SH3D19: variants seen among roughly 807,000 people sequenced by gnomAD.
The protein encoded by SH3D19 is SH3 domain containing 19, also known as SH3 domain-containing protein 19.
Under a neutral mutation model 112.1 loss-of-function variants are expected in SH3D19, and 58 were observed. That is an observed-to-expected ratio of 0.52 (90% CI 0.42 to 0.64). The LOEUF (loss-of-function observed/expected upper bound fraction) is 0.64. SH3D19 is among the 30% of genes least tolerant of loss of function. SH3D19 has a pLI of 0.00. For synonymous variants in SH3D19, 391 were observed against 448.5 expected (o/e 0.87, Z 1.62); for missense variants, 1,090 against 1,263.4 (o/e 0.86, Z 2.08).
chr4:151,266,167 A>G (rs1255843669), intron 1 of SH3D19: 4 of 152,190 alleles, frequency 2.6e-5, no homozygotes, highest in Admixed American at 6.5e-5. Flanking sequence ...CGTACCGATG[A>G]AAGTTTAAAT....
At chr4:151,224,009 ATATCAAAAGTATGATCT>A (rs1314441309) in intron 2 of SH3D19, among the ~76,000 whole-genome samples, 1 of 152,154 alleles carries the variant, frequency 6.6e-6, no homozygotes, top group Non-Finnish European at 1.5e-5. Context: ...ATTGAACAGA[ATATCAAAAGTATGATCT>A]AGGCCGGGCA....
chr4:151,154,514 A>G (rs531337796), intron 9 of SH3D19, among the ~76,000 whole-genome samples: 3 of 151,618 alleles, frequency 2.0e-5, no homozygotes, highest in African/African-American at 7.3e-5. Flanking sequence ...TCCTCACCTC[A>G]AGTGATCCAC....
intron 1 of SH3D19, among the ~76,000 whole-genome samples, chr4:151,234,920 CT>C (rs1439123484): frequency 1.3e-5 from 2 of 151,658 alleles, no homozygotes; most frequent in Admixed American, 1.3e-4. Flanking sequence ...ATTAAAAAAA[CT>C]TTTTTTCTTG....
chr4:151,165,916 TGAGA>T (rs1008995995), intron 7 of SH3D19: 13 of 462,326 alleles, frequency 2.8e-5, no homozygotes, highest in African/African-American at 1.8e-4. Flanking sequence ...TCCTCTCTGA[TGAGA>T]GAGATTGAGG....
chr4:151,125,151 G>C (rs536869820), intron 19 of SH3D19, among the ~76,000 whole-genome samples: 3 of 152,152 alleles, frequency 2.0e-5, no homozygotes, highest in African/African-American at 7.2e-5. Flanking sequence ...TTTTAATTTT[G>C]CATAGCTTAC....
intron 1 of SH3D19, among the ~76,000 whole-genome samples, chr4:151,253,668 G>A (rs1289320073): frequency 6.6e-6 from 1 of 151,826 alleles, no homozygotes; most frequent in African/African-American, 2.4e-5. Context: ...GTGAACCGGG[G>A]AAGCGGAGCT....
At chr4:151,191,582 A>C (rs1762636129) in intron 2 of SH3D19, among the ~76,000 whole-genome samples, 1 of 152,144 alleles carries the variant, frequency 6.6e-6, no homozygotes, top group Non-Finnish European at 1.5e-5. Flanking sequence ...TGTACAAGGC[A>C]TGTAAGTAGA....
intron 2 of SH3D19, among the ~76,000 whole-genome samples, chr4:151,192,634 T>C (rs913956031): frequency 6.6e-6 from 1 of 152,226 alleles, no homozygotes; most frequent in African/African-American, 2.4e-5. Context: ...TCACAACACA[T>C]ACTTCTCATA....
intron 2 of SH3D19, among the ~76,000 whole-genome samples, chr4:151,197,962 A>C (rs1164054708): frequency 2.0e-5 from 3 of 152,160 alleles, no homozygotes; most frequent in Non-Finnish European, 4.4e-5. Context: ...TAAATTATTT[A>C]AATTGTTGTG....
intron 11 of SH3D19, among the ~76,000 whole-genome samples, chr4:151,144,663 T>C (rs1282195225): frequency 1.3e-5 from 2 of 152,202 alleles, no homozygotes; most frequent in African/African-American, 4.8e-5. Flanking sequence ...TGGTGGCCTC[T>C]GAAGGCTGAT....
chr4:151,182,945 C>T (rs1232905555), intron 3 of SH3D19, among the ~76,000 whole-genome samples: 1 of 151,814 alleles, frequency 6.6e-6, no homozygotes, highest in African/African-American at 2.4e-5. Flanking sequence ...GCAGTATTTT[C>T]AGTTAGAGTT....
rs774493690 is a variant in SH3D19, at chr4:151,277,212, C to T, written c.112+48029G>A. ...CTGTGCCTTCACGCTGCTCCTTCTG[C>T]TGGGGATCTCAGGTGAGCGCCAGGG... On this transcript the variant is annotated intron_variant, in intron 1 of 19. Coordinates refer to ENST00000604030, the MANE Select transcript of SH3D19 (RefSeq NM_001378122.1). The T allele has an allele frequency of 8.7e-6, 13 of 1,502,882 alleles. No homozygotes were observed. In the South Asian group the frequency reaches 1.5e-4, roughly 17 times the overall value. The allele number at this position is 1,502,882 out of a possible 1,614,324, so 93.1% of individuals were successfully genotyped here. A position where few individuals can be genotyped will look rare whatever the true frequency, so the allele number is the denominator to read the frequency against.
At chr4:151,293,349 T>C (rs1233550484) in intron 1 of SH3D19, among the ~76,000 whole-genome samples, 1 of 151,668 alleles carries the variant, frequency 6.6e-6, no homozygotes, top group African/African-American at 2.4e-5. Flanking sequence ...GGCGGGCACC[T>C]GTAGTCCCAG....
intron 9 of SH3D19, among the ~76,000 whole-genome samples, chr4:151,152,104 A>G (rs1410119502): frequency 6.6e-6 from 1 of 152,148 alleles, no homozygotes; most frequent in African/African-American, 2.4e-5. Context: ...GGCATATTCA[A>G]ATTCTTTAGG....
At chr4:151,279,473 A>G (rs1773975858) in intron 1 of SH3D19, among the ~76,000 whole-genome samples, 1 of 152,252 alleles carries the variant, frequency 6.6e-6, no homozygotes, top group Admixed American at 6.5e-5. Context: ...TTTAACACCA[A>G]TCTGGAAAAT....
intron 1 of SH3D19, among the ~76,000 whole-genome samples, chr4:151,248,907 T>A (rs2291978): frequency 0.33 from 49,716 of 152,034 alleles, 9,432 homozygotes; most frequent in Non-Finnish European, 0.44. Flanking sequence ...AATTTTTTTT[T>A]AAATTCAGGA....
intron 1 of SH3D19, among the ~76,000 whole-genome samples, chr4:151,306,383 G>T (rs112258739): frequency 6.6e-6 from 1 of 152,144 alleles, no homozygotes; most frequent in East Asian, 1.9e-4. Context: ...GATGACAAAA[G>T]AACCTGCCTT....
intron 1 of SH3D19, among the ~76,000 whole-genome samples, chr4:151,309,625 C>A (rs970530596): frequency 1.3e-5 from 2 of 152,172 alleles, no homozygotes; most frequent in African/African-American, 4.8e-5. Context: ...TCATTACTAA[C>A]CATCAGGGAA....
intron 10 of SH3D19, among the ~76,000 whole-genome samples, chr4:151,148,442 T>C: frequency 6.6e-6 from 1 of 152,198 alleles, no homozygotes; most frequent in East Asian, 1.9e-4. Context: ...GATTCATTAG[T>C]TCAAGACAAA....
Sources: allele counts gnomAD v4.1 joint callset (sites outside exome capture counted in the v4.1 genomes callset), GRCh38; gene constraint gnomAD v4.1.1; transcripts MANE v1.5; gene names NCBI Gene and HGNC (gene_info 2026-07-23, HGNC 2026-07-21).